Variants in MVP observed in about 807,000 individuals in gnomAD.
MVP encodes lung resistance-related protein.
In MVP, 62 loss-of-function variants were observed where a neutral mutation model predicts 83.5. The observed-to-expected ratio is 0.74, with a 90% CI of 0.61 to 0.92. The LOEUF (loss-of-function observed/expected upper bound fraction) is 0.92. Ranked by LOEUF, MVP falls within the 40% of genes least tolerant of loss-of-function variation. The pLI, the probability that MVP is intolerant of heterozygous loss-of-function variation, is 0.00. For missense variants in MVP, 1,000 were observed against 1,203.4 expected (o/e 0.83, Z 2.50); for synonymous variants, 505 against 504.1 (o/e 1.00, Z -0.02).
At chr16:29,823,633 C>T (rs62056371) in intron 1 of MVP, among the ~76,000 whole-genome samples, 24,066 of 151,858 alleles carry the variant, frequency 0.16, 2,065 homozygotes, top group African/African-American at 0.23. Context: ...GCAGGCGGAT[C>T]ACGAGGTTAG....
chr16:29,831,605 C>T (rs2067442868), intron 3 of MVP: 1 of 456,114 alleles, frequency 2.2e-6, no homozygotes, highest in South Asian at 1.5e-5. Context: ...ACACACCTGC[C>T]TCTTTTCTGA....
At chr16:29,842,172 G>T (rs996722636) in intron 10 of MVP, 60 bp downstream of exon 10, 4 of 1,506,156 alleles carry the variant, frequency 2.7e-6, no homozygotes, top group Non-Finnish European at 3.6e-6. Context: ...TTGGGAGGCT[G>T]AGGTGGGAGG....
chr16:29,843,906 A>G (rs2150760297), intron 10 of MVP, among the ~76,000 whole-genome samples: 1 of 152,256 alleles, frequency 6.6e-6, no homozygotes, highest in East Asian at 1.9e-4. Flanking sequence ...TCCAAAAAGA[A>G]TATTCAATAC....
In MVP at chr16:29,833,945, C is replaced by G; in HGVS notation, c.456C>G (p.Ile152Met). ...ACCTTCCCTCCCCAGGCACGTACAT[C>G]CCCCGGAAGGAAGTGGAGGTCGTGG... is the stretch of plus-strand genomic sequence containing the variant. ...EWLFEGPGTY[I>M]PRKEVEVVEI... The change falls in exon 5 of 15, where the codon ATC becomes ATG. Residue 152 changes from isoleucine to methionine, a missense_variant. Physicochemically the swap from Ile to Met is conservative, Grantham distance 10. Coordinates refer to ENST00000357402, the MANE Select transcript of MVP (RefSeq NM_005115.5). The G allele has an allele frequency of 6.2e-7, 1 of 1,614,084 alleles. No individual in the cohort carries two copies. Among genetic ancestry groups the G allele is most frequent in the Non-Finnish European group, 8.5e-7 (1 of 1,179,996 alleles).
At chr16:29,846,383 A>G (rs1596931656) in intron 13 of MVP, 99 bp downstream of exon 13, 7 of 1,429,706 alleles carry the variant, frequency 4.9e-6, no homozygotes, top group East Asian at 2.5e-5. Context: ...AGGTCCCCCA[A>G]CATAAAGCCC....
At chr16:29,821,687 C>T (rs777941165) in intron 1 of MVP, among the ~76,000 whole-genome samples, 2 of 152,192 alleles carry the variant, frequency 1.3e-5, no homozygotes, top group South Asian at 2.1e-4. Flanking sequence ...GTTGGACTTC[C>T]GGCTCCGTCC....
At position 29,841,879 on chromosome 16, in the gene MVP, C is replaced by T. The variant is rs1397655063; in HGVS notation, c.1437-36C>T. 1.2e-6 allele frequency: 2 copies of T among 1,610,060 alleles called. No individual in the cohort carries two copies. The highest frequency in any genetic ancestry group is 2.7e-5 in the African/African-American group (2 of 74,868). On this transcript the variant is annotated intron_variant, in intron 9 of 14. Coordinates refer to ENST00000357402, the MANE Select transcript of MVP (RefSeq NM_005115.5). The surrounding 1 kb of genome is among the most constrained non-coding windows in gnomAD (Gnocchi z 4.7). ...GCGCAGGGTGTAGGGGGTGGCTCTC[C>T]ATGGGTCTGGCTCTGACCCTCGGCT... is the stretch of plus-strand genomic sequence containing the variant.
intron 5 of MVP, chr16:29,834,633 A>C: frequency 6.5e-6 from 1 of 154,500 alleles, no homozygotes; most frequent in Non-Finnish European, 1.4e-5. Flanking sequence ...GCACCACTGC[A>C]CTCCATCCTG....
chr16:29,824,418 C>G (rs2150750030), intron 1 of MVP, among the ~76,000 whole-genome samples: 1 of 152,096 alleles, frequency 6.6e-6, no homozygotes, highest in East Asian at 1.9e-4. Flanking sequence ...TGGTACCACT[C>G]TACTCACTGC....
At position 29,842,016 on chromosome 16, in the gene MVP, C is replaced by A; in HGVS notation, c.1538C>A (p.Ala513Glu). The change falls in exon 10 of 15, where the codon GCG (alanine) becomes GAG (glutamate). Residue 513 changes from alanine to glutamate, a missense_variant. Transcript: ENST00000357402. ...CCCAAGCGTCCCCATGCCCGCCGTGCGCTCTGCCTGCTGCTGGGGCCTGAC... is the reference window on the plus strand; with the variant it reads ...CCCAAGCGTCCCCATGCCCGCCGTGAGCTCTGCCTGCTGCTGGGGCCTGAC... ...GRPKRPHARRALCLLLGPDFF... is the reference protein window; with the variant it reads ...GRPKRPHARRELCLLLGPDFF... The A allele has an allele frequency of 6.2e-7, 1 of 1,611,676 alleles. No homozygotes were observed. The highest frequency in any genetic ancestry group is 8.5e-7 in the Non-Finnish European group (1 of 1,179,972).
intron 7 of MVP, among the ~76,000 whole-genome samples, chr16:29,839,783 CAAAAAA>C (rs71373206): frequency 0.013 from 602 of 47,372 alleles, 1 homozygote; most frequent in African/African-American, 0.049. Context: ...AAGACTATCT[CAAAAAA>C]AAAAAAAAAA....
rs146206640 is a variant in MVP, at chr16:29,830,919, G to A, written c.167G>A (p.Arg56His). The A allele has an allele frequency of 2.5e-5, 41 of 1,613,842 alleles. No individual in the cohort carries two copies. The highest frequency in any genetic ancestry group is 2.0e-4 in the East Asian group (9 of 44,852). Residue 56 changes from arginine (R) to histidine (H), a missense_variant, in exon 3 of 15, where the codon CGT becomes CAT. By Grantham distance (29) the Arg-to-His change is conservative. Coordinates refer to ENST00000357402, the MANE Select transcript of MVP (RefSeq NM_005115.5). ...APMRMVTVPPRHYCTVANPVS... is the reference protein window; with the variant it reads ...APMRMVTVPPHHYCTVANPVS... The stretch of plus-strand genomic sequence containing the variant: ...ATGCGCATGGTGACCGTCCCCCCAC[G>A]TCACTACTGCACAGTGGCCAACCCT...
At chr16:29,824,829 A>G (rs1213225023) in intron 1 of MVP, among the ~76,000 whole-genome samples, 1 of 151,494 alleles carries the variant, frequency 6.6e-6, no homozygotes, top group Non-Finnish European at 1.5e-5. Context: ...GTGACTCATG[A>G]CTCGTTTATT....
intron 5 of MVP, 25 bp from the exon 6 acceptor site, chr16:29,835,679 C>T (rs1025657280): frequency 1.9e-6 from 3 of 1,607,056 alleles, no homozygotes; most frequent in Non-Finnish European, 2.6e-6. Flanking sequence ...GGGCCCTTGT[C>T]CCTTACCCTC....
Position 29,840,381 on chromosome 16 carries a change from G to A in MVP, c.1113G>A (p.Val371=). The A allele has an allele frequency of 6.3e-7, 1 of 1,598,438 alleles. No homozygotes were observed. The change falls in exon 8 of 15, where the codon GTG becomes GTA. Residue 371 remains valine, a synonymous_variant. Transcript: ENST00000357402. ...TGGAGTATGTGCCATCTGCCAAAGTGGAGGTGGTGGAGGAGCGCCAGGCCA... is the reference window on the plus strand; with the variant it reads ...TGGAGTATGTGCCATCTGCCAAAGTAGAGGTGGTGGAGGAGCGCCAGGCCA... ...GPLEYVPSAK[V]EVVEERQAIP...
intron 3 of MVP, chr16:29,833,229 C>T (rs1596915982): frequency 6.3e-6 from 1 of 158,470 alleles, no homozygotes; most frequent in Non-Finnish European, 1.4e-5. Context: ...ACCCCATCTC[C>T]AAAAATAAAA....
intron 1 of MVP, among the ~76,000 whole-genome samples, chr16:29,828,003 A>G (rs1555504107): frequency 1.3e-5 from 2 of 152,186 alleles, no homozygotes; most frequent in Non-Finnish European, 1.5e-5. Context: ...TCTGTCGCCC[A>G]GGGCTGTAGT....
chr16:29,834,357 A>C, intron 5 of MVP: 1 of 392,426 alleles, frequency 2.5e-6, no homozygotes, highest in Non-Finnish European at 4.9e-6. Context: ...TGGATCAACA[A>C]AGAAGATGTT....
chr16:29,825,336 A>G (rs2067397408), intron 1 of MVP, among the ~76,000 whole-genome samples: 1 of 152,220 alleles, frequency 6.6e-6, no homozygotes, highest in Non-Finnish European at 1.5e-5. Context: ...AGAGCCTTCC[A>G]AAGGTCAACA....
Sources: allele counts gnomAD v4.1 joint callset (sites outside exome capture counted in the v4.1 genomes callset), GRCh38; gene constraint gnomAD v4.1.1; non-coding constraint Gnocchi (gnomAD v3.1); transcripts MANE v1.5; gene names NCBI Gene and HGNC (gene_info 2026-07-23, HGNC 2026-07-21).